The following DIAPH1 variants were observed in gnomAD, a reference collection of about 807,000 sequenced individuals.
DIAPH1 encodes the protein protein diaphanous homolog 1.
Under a neutral mutation model 140.7 loss-of-function variants are expected in DIAPH1, and 46 were observed. The observed-to-expected ratio is 0.33, with a 90% CI of 0.26 to 0.42. DIAPH1 has a LOEUF of 0.42. DIAPH1 is among the 10% of genes least tolerant of loss of function. DIAPH1 has a pLI of 1.00. For synonymous variants in DIAPH1, 565 were observed against 551.6 expected (o/e 1.02, Z -0.34); for missense variants, 1,310 against 1,558.7 (o/e 0.84, Z 2.69).
chr5:141,573,931 G>C lies in DIAPH1; in HGVS notation c.1919C>G (p.Ser640Cys), dbSNP rs1375206162. The C allele has an allele frequency of 1.3e-6, 2 of 1,552,174 alleles. No individual in the cohort carries two copies. The highest frequency in any genetic ancestry group is 8.7e-7 in the Non-Finnish European group (1 of 1,147,952). Residue 640 changes from serine (S) to cysteine (C), a missense_variant, in exon 16 of 28, where the codon TCT (serine) becomes TGT (cysteine). Physicochemically the swap from Ser to Cys is moderately radical, Grantham distance 112. Transcript: ENST00000389054. ...PPSLPGGTAISPPPPLSGDAT... is the reference protein window; with the variant it reads ...PPSLPGGTAICPPPPLSGDAT... ...ATCCCCAGACAAAGGAGGGGGTGGA[G>C]AGATAGCAGTACCTCCAGGTAAAGA...
In DIAPH1 at chr5:141,534,345, G is replaced by A; in HGVS notation, c.2571C>T (p.Ala857=). ...KELKVLDSKT[A]QNLSIFLGSF... is the part of the protein sequence containing the mutation. ...CCAAGAGATACTCACAGAGATTCTGGGCTGTCTTTGAATCCAACACCTTTA... is the reference window on the plus strand; with the variant it reads ...CCAAGAGATACTCACAGAGATTCTGAGCTGTCTTTGAATCCAACACCTTTA... The change falls in exon 19 of 28, where the codon GCC becomes GCT. Residue 857 remains alanine (A), a synonymous_variant. Coordinates refer to ENST00000389054, the MANE Select transcript of DIAPH1 (RefSeq NM_005219.5). 1 of 1,612,206 alleles carries A rather than the reference G, an allele frequency of 6.2e-7. No individual in the cohort carries two copies. The highest frequency in any genetic ancestry group is 1.3e-5 in the African/African-American group (1 of 75,002).
At chr5:141,598,209 A>C (rs2154597015) in intron 1 of DIAPH1, among the ~76,000 whole-genome samples, 1 of 152,362 alleles carries the variant, frequency 6.6e-6, no homozygotes, top group South Asian at 2.1e-4. Context: ...TTGTTTCTTA[A>C]GTTTTATCTA....
chr5:141,525,167 T>G (rs926774523), intron 26 of DIAPH1, among the ~76,000 whole-genome samples: 7 of 152,172 alleles, frequency 4.6e-5, no homozygotes, highest in Non-Finnish European at 1.0e-4. Context: ...GCAAGGAAAT[T>G]GCTTTACAGA....
intron 27 of DIAPH1, among the ~76,000 whole-genome samples, chr5:141,521,062 G>A (rs1487820145): frequency 2.0e-5 from 3 of 152,018 alleles, no homozygotes; most frequent in Non-Finnish European, 2.9e-5. Flanking sequence ...CACCACGCCC[G>A]GCTAATTTTT....
intron 18 of DIAPH1, among the ~76,000 whole-genome samples, chr5:141,546,394 A>G (rs560804878): frequency 6.6e-6 from 1 of 152,164 alleles, no homozygotes; most frequent in Non-Finnish European, 1.5e-5. Flanking sequence ...GTGGTGGCTC[A>G]CACCTGTAAT....
At chr5:141,578,769 A>T in intron 9 of DIAPH1, 144 bp from the exon 10 acceptor site, 1 of 712,390 alleles carries the variant, frequency 1.4e-6, no homozygotes, top group East Asian at 2.7e-5. Context: ...TACTATAGCA[A>T]TGAGACCTGG....
intron 19 of DIAPH1, among the ~76,000 whole-genome samples, chr5:141,531,894 C>A (rs2099888289): frequency 6.6e-6 from 1 of 152,150 alleles, no homozygotes; most frequent in South Asian, 2.1e-4. Flanking sequence ...CTCATCTCTG[C>A]CTATAGTCTC....
At chr5:141,524,626 G>C (rs912113979) in intron 26 of DIAPH1, 1 of 329,292 alleles carries the variant, frequency 3.0e-6, no homozygotes, top group Admixed American at 4.3e-5. Flanking sequence ...TGCCTGGTTA[G>C]GTTTCAGAGC....
intron 18 of DIAPH1, chr5:141,563,319 T>C (rs2099893877): frequency 6.6e-6 from 1 of 152,226 alleles, no homozygotes; most frequent in Non-Finnish European, 1.5e-5. Flanking sequence ...TGTTGAATTG[T>C]TTCCTAATCA....
At chr5:141,598,404 C>CA (rs1373142136) in intron 1 of DIAPH1, among the ~76,000 whole-genome samples, 3 of 152,086 alleles carry the variant, frequency 2.0e-5, no homozygotes, top group African/African-American at 7.2e-5. Context: ...TTCTCTTCTC[C>CA]AAAAGATTCT....
At chr5:141,572,153 A>C (rs2099895282) in intron 16 of DIAPH1, 113 bp from the exon 17 acceptor site, 1 of 757,730 alleles carries the variant, frequency 1.3e-6, no homozygotes, top group Non-Finnish European at 2.4e-6. Context: ...GCAATGTCTT[A>C]CTAGAATAAG....
In DIAPH1 at chr5:141,599,976, C is replaced by T. The variant is rs186702540; in HGVS notation, c.118-11726G>A. On this transcript the variant is annotated intron_variant, in intron 1 of 27. Coordinates refer to ENST00000389054, the MANE Select transcript of DIAPH1 (RefSeq NM_005219.5). ...CTCCTGAGCTCCAGCAATCCTCCTG[C>T]CTCAGCCTCCCAAGTAGTGGGGCCT... Among the ~76,000 whole-genome samples the T allele has an allele frequency of 2.8e-4, 42 of 152,316 alleles. 1 individual carries two copies. The highest frequency in any genetic ancestry group is 2.5e-3 in the Admixed American group (38 of 15,300).
chr5:141,615,857 A>G (rs2099902612), intron 1 of DIAPH1, among the ~76,000 whole-genome samples: 1 of 152,250 alleles, frequency 6.6e-6, no homozygotes, highest in Non-Finnish European at 1.5e-5. Context: ...AGTCTATTAA[A>G]TGTAAGAATA....
chr5:141,531,996 C>T (rs913281590), intron 19 of DIAPH1, among the ~76,000 whole-genome samples: 1 of 152,224 alleles, frequency 6.6e-6, no homozygotes, highest in Non-Finnish European at 1.5e-5. Flanking sequence ...CTCAAAATCA[C>T]TGCCAAAGCA....
intron 10 of DIAPH1, 63 bp downstream of exon 10, chr5:141,578,452 T>G: frequency 6.5e-7 from 1 of 1,527,698 alleles, no homozygotes; most frequent in Non-Finnish European, 9.1e-7. Flanking sequence ...ATCCCCGGGA[T>G]TATTGGGGCT....
At position 141,578,284 on chromosome 5, in the gene DIAPH1, T is replaced by C; in HGVS notation, c.1104A>G (p.Gln368=). The C allele has an allele frequency of 6.2e-7, 1 of 1,614,204 alleles. No individual in the cohort carries two copies. ...MRVQLNVFDE[Q]GEEDSYDLKG... ...TCAGGTCATAGGAATCCTCTTCCCC[T>C]TGTTCATCAAACACATTTAGTTGCA... is the stretch of plus-strand genomic sequence containing the variant. The change falls in exon 11 of 28, where the codon CAA becomes CAG. Residue 368 remains glutamine (Q), a synonymous_variant. Coordinates refer to ENST00000389054, the MANE Select transcript of DIAPH1 (RefSeq NM_005219.5).
At chr5:141,582,059 CAAAA>C (rs70991705) in intron 7 of DIAPH1, 1,208 of 78,980 alleles carry the variant, frequency 0.015, no homozygotes, top group South Asian at 0.022. Flanking sequence ...GACTCCATCT[CAAAA>C]AAAAAAAAAA....
Position 141,557,498 on chromosome 5 carries a change from T to C in DIAPH1, c.2482+13930A>G, listed in dbSNP as rs537199586. 1.2e-4 allele frequency among the ~76,000 whole-genome samples: 18 copies of C among 152,316 alleles called. No homozygotes were observed. The East Asian group carries it at 3.5e-3, about 29-fold the overall frequency. The stretch of plus-strand genomic sequence containing the variant: ...CATTTTTTAAAAAAATTCAGGACCA[T>C]TTCCCTAGAGTCCTTGGGGCATTTG... On this transcript the variant is annotated intron_variant, in intron 18 of 27. Coordinates refer to ENST00000389054, the MANE Select transcript of DIAPH1 (RefSeq NM_005219.5).
intron 1 of DIAPH1, among the ~76,000 whole-genome samples, chr5:141,590,804 TC>T (rs1244379601): frequency 6.6e-6 from 1 of 151,868 alleles, no homozygotes; most frequent in African/African-American, 2.4e-5. Flanking sequence ...GACTCTTGAT[TC>T]GTCTCTCTTC....
Sources: gnomAD v4.1 joint callset for allele counts (sites outside exome capture counted in the v4.1 genomes callset) on GRCh38, gnomAD v4.1.1 for gene constraint, MANE v1.5 for transcripts, NCBI Gene and HGNC (gene_info 2026-07-23, HGNC 2026-07-21) for gene names.